The following ANKRD44 variants were observed in gnomAD, a reference collection of about 807,000 sequenced individuals.
ANKRD44 encodes serine/threonine-protein phosphatase 6 regulatory ankyrin repeat subunit B.
In ANKRD44, 35 loss-of-function variants were observed where a neutral mutation model predicts 116.0. The observed-to-expected ratio is 0.30, with a 90% CI of 0.23 to 0.40. ANKRD44 has a LOEUF of 0.40. ANKRD44 is among the 10% of genes least tolerant of loss of function. The pLI is 1.00. For missense variants in ANKRD44, 1,014 were observed against 1,242.6 expected (o/e 0.82, Z 2.77); for synonymous variants, 435 against 461.8 (o/e 0.94, Z 0.74).
rs1238272206 is a variant in ANKRD44 at position 196,988,941 on chromosome 2, C to T, written c.*650G>A. ...CCACTACACATCTGAGTTTTCATCT[C>T]GCAGAAGGGCATCCAGACTGCAATG... On this transcript the variant is annotated 3_prime_UTR_variant, in exon 28 of 28. Transcript: ENST00000282272. The T allele has an allele frequency of 8.1e-6, 8 of 985,288 alleles. No homozygotes were observed. Among genetic ancestry groups the T allele is most frequent in the Non-Finnish European group, 6.0e-6 (5 of 829,956 alleles). 61.0% of individuals were successfully genotyped at this position (985,288 alleles called of 1,614,324 possible).
rs183539110 is a variant in ANKRD44 at position 197,156,982 on chromosome 2, G to A, written c.112-9877C>T. Among the ~76,000 whole-genome samples the A allele has an allele frequency of 3.5e-4, 53 of 152,314 alleles. 1 individual carries two copies. The East Asian group carries it at 8.9e-3, about 25-fold the overall frequency. On this transcript the variant is annotated intron_variant, in intron 2 of 27. Coordinates refer to ENST00000282272, the MANE Select transcript of ANKRD44 (RefSeq NM_001195144.2). ...AGGGGTAGCAGGGAGGGATTTGAAA[G>A]GGGAACAAGGAAGCTTTTGGAGCAC...
intron 16 of ANKRD44, among the ~76,000 whole-genome samples, chr2:197,067,636 A>T (rs1318039924): frequency 3.1e-5 from 4 of 128,510 alleles, no homozygotes; most frequent in Admixed American, 8.3e-5. Context: ...GCCATCAGAG[A>T]AATGCAAATC....
intron 10 of ANKRD44, chr2:197,099,490 T>A: frequency 9.6e-7 from 1 of 1,039,776 alleles, no homozygotes; most frequent in Non-Finnish European, 1.2e-6. Context: ...ATTGGCTCAG[T>A]TAGGTTTTAT....
At chr2:197,205,976 G>A (rs1574271415) in intron 1 of ANKRD44, among the ~76,000 whole-genome samples, 1 of 152,206 alleles carries the variant, frequency 6.6e-6, no homozygotes, top group South Asian at 2.1e-4. Context: ...AAATTGTAAG[G>A]TGGGGCTGGC....
intron 1 of ANKRD44, 122 bp downstream of exon 1, chr2:197,310,456 T>C (rs1379800878): frequency 1.5e-6 from 1 of 653,084 alleles, no homozygotes; most frequent in Admixed American, 6.5e-5. Context: ...CCGCACACAG[T>C]CCTCCCCTTC....
chr2:196,992,467 A>G (rs2075937891), intron 27 of ANKRD44, among the ~76,000 whole-genome samples: 2 of 152,144 alleles, frequency 1.3e-5, no homozygotes, highest in African/African-American at 4.8e-5. Flanking sequence ...TAAGGTCACT[A>G]TCAGCTGAAC....
chr2:197,258,868 G>T (rs1881402), intron 1 of ANKRD44, among the ~76,000 whole-genome samples: 2,491 of 152,276 alleles, frequency 0.016, 19 homozygotes, highest in Non-Finnish European at 0.02. Context: ...AAATGGTGTT[G>T]CAAAATGTGT....
intron 1 of ANKRD44, among the ~76,000 whole-genome samples, chr2:197,252,087 A>C (rs1322480369): frequency 2.0e-5 from 3 of 152,238 alleles, no homozygotes; most frequent in Non-Finnish European, 4.4e-5. Context: ...TAAGTACAAA[A>C]TCAGAGGGGG....
intron 1 of ANKRD44, among the ~76,000 whole-genome samples, chr2:197,275,466 T>A: frequency 6.8e-6 from 1 of 146,198 alleles, no homozygotes; most frequent in African/African-American, 2.5e-5. Flanking sequence ...CACGCACTCA[T>A]AAAATTTTAG....
chr2:197,118,919 T>C lies in ANKRD44; in HGVS notation c.906+2413A>G, dbSNP rs1033851599. Among the ~76,000 whole-genome samples the C allele has an allele frequency of 2.0e-5, 3 of 152,224 alleles. No homozygotes were observed. In the East Asian group the frequency reaches 5.8e-4, roughly 29 times the overall value. ...AAATGTACGTTTTTGTATTAGTTTG[T>C]ATTTTTCTAATTACCAGTAATACTA... On this transcript the variant is annotated intron_variant, in intron 8 of 27. Coordinates refer to ENST00000282272, the MANE Select transcript of ANKRD44 (RefSeq NM_001195144.2).
intron 2 of ANKRD44, among the ~76,000 whole-genome samples, chr2:197,161,242 T>C (rs57808672): frequency 0.052 from 7,841 of 152,064 alleles, 676 homozygotes; most frequent in African/African-American, 0.18. Flanking sequence ...AGATAAGGCA[T>C]ATGGGAGATG....
intron 2 of ANKRD44, among the ~76,000 whole-genome samples, chr2:197,153,428 T>G (rs2079715360): frequency 6.6e-6 from 1 of 151,882 alleles, no homozygotes; most frequent in South Asian, 2.1e-4. Flanking sequence ...GGCAAGAAGA[T>G]GTCTAAAGAA....
At chr2:196,973,146 A>G (rs1471083241) in intron 21 of ANKRD44, among the ~76,000 whole-genome samples, 12 of 152,168 alleles carry the variant, frequency 7.9e-5, no homozygotes, top group Admixed American at 7.9e-4. Context: ...TTTGGGTGAA[A>G]AATAGTATGC....
At position 197,177,902 on chromosome 2, in the gene ANKRD44, A is replaced by G. The variant is rs75438894; in HGVS notation, c.111+9121T>C. ...ATACAAAGCACACTTTTTAAAGATA[A>G]CATGATACAACCTCATGTGGATGTT... On this transcript the variant is annotated intron_variant, in intron 2 of 27. Coordinates refer to ENST00000282272, the MANE Select transcript of ANKRD44 (RefSeq NM_001195144.2). Among the ~76,000 whole-genome samples the G allele has an allele frequency of 7.6e-3, 1,158 of 152,370 alleles. 13 individuals carry two copies. Among genetic ancestry groups the G allele is most frequent in the African/African-American group, 0.026 (1,064 of 41,590 alleles).
chr2:197,126,969 C>T (rs577475852), intron 4 of ANKRD44, among the ~76,000 whole-genome samples: 17 of 151,320 alleles, frequency 1.1e-4, no homozygotes, highest in African/African-American at 4.1e-4. Flanking sequence ...GCCTGGGCAA[C>T]AGAGCAAGAC....
chr2:196,968,961 T>C (rs767131346), intron 21 of ANKRD44, among the ~76,000 whole-genome samples: 5 of 152,314 alleles, frequency 3.3e-5, no homozygotes, highest in Middle Eastern at 3.4e-3. Context: ...TGTTGGTTAA[T>C]ACTGATTTTG....
At chr2:197,261,544 G>A (rs976042342) in intron 1 of ANKRD44, among the ~76,000 whole-genome samples, 1 of 100,538 alleles carries the variant, frequency 9.9e-6, no homozygotes. Context: ...AAAAAAGATA[G>A]ACAATCTTTT....
At chr2:197,094,301 C>T (rs1035817074) in intron 10 of ANKRD44, among the ~76,000 whole-genome samples, 1 of 152,172 alleles carries the variant, frequency 6.6e-6, no homozygotes, top group African/African-American at 2.4e-5. Context: ...ATAACGGTTC[C>T]CTCCTCAGGA....
chr2:197,168,776 C>T (rs1345208968), intron 2 of ANKRD44, among the ~76,000 whole-genome samples: 3 of 152,180 alleles, frequency 2.0e-5, no homozygotes, highest in Admixed American at 6.5e-5. Flanking sequence ...CAATCTGCAG[C>T]TCTCCCCATG....
Sources: allele counts gnomAD v4.1 joint callset (sites outside exome capture counted in the v4.1 genomes callset), GRCh38; gene constraint gnomAD v4.1.1; transcripts MANE v1.5; gene names NCBI Gene and HGNC (gene_info 2026-07-23, HGNC 2026-07-21).